UBASH3B: variants seen among roughly 807,000 people sequenced by gnomAD.
UBASH3B encodes ubiquitin-associated and SH3 domain-containing protein B.
UBASH3B carries 37 observed loss-of-function variants against 83.4 expected under a neutral mutation model. The observed-to-expected ratio is 0.44, with a 90% CI of 0.34 to 0.58. UBASH3B has a LOEUF of 0.58. Ranked by LOEUF, UBASH3B falls within the 20% of genes least tolerant of loss-of-function variation. The pLI, the probability that UBASH3B is intolerant of heterozygous loss-of-function variation, is 0.01. For missense variants in UBASH3B, 657 were observed against 827.2 expected, an observed-to-expected ratio of 0.79 and a Z score of 2.52; for synonymous variants, 304 against 318.3, an observed-to-expected ratio of 0.96 and a Z score of 0.48.
At chr11:122,665,390 A>T (rs922904441) in intron 1 of UBASH3B, among the ~76,000 whole-genome samples, 2 of 152,122 alleles carry the variant, frequency 1.3e-5, no homozygotes, top group African/African-American at 4.8e-5. Context: ...TGGGGGTCTC[A>T]CTACATTGCC....
intron 5 of UBASH3B, 91 bp downstream of exon 5, chr11:122,783,313 G>C (rs1860890773): frequency 6.9e-7 from 1 of 1,439,492 alleles, no homozygotes; most frequent in South Asian, 1.3e-5. Context: ...GGTACCTACA[G>C]GGGAAAAATG....
chr11:122,742,193 A>G (rs962768213), intron 1 of UBASH3B, among the ~76,000 whole-genome samples: 5 of 152,224 alleles, frequency 3.3e-5, no homozygotes, highest in African/African-American at 4.8e-5. Context: ...GGATTATTCA[A>G]GCCTGGAAGG....
intron 2 of UBASH3B, 122 bp downstream of exon 2, chr11:122,776,394 C>T (rs1161042237): frequency 1.1e-6 from 1 of 880,264 alleles, no homozygotes; most frequent in Non-Finnish European, 1.7e-6. Flanking sequence ...AGCCAAAAGA[C>T]TGTGGCAAGT....
chr11:122,738,704 C>A (rs1318891129), intron 1 of UBASH3B, among the ~76,000 whole-genome samples: 1 of 152,082 alleles, frequency 6.6e-6, no homozygotes, highest in Non-Finnish European at 1.5e-5. Flanking sequence ...GCCTGACCAA[C>A]ATGGAGAAAC....
chr11:122,785,528 C>T (rs1224954172), intron 5 of UBASH3B, among the ~76,000 whole-genome samples: 3 of 152,164 alleles, frequency 2.0e-5, no homozygotes, highest in East Asian at 3.9e-4. Flanking sequence ...GATTTGGACA[C>T]GCGAATCCCA....
chr11:122,799,130 G>C, intron 10 of UBASH3B, 96 bp downstream of exon 10: 1 of 1,034,374 alleles, frequency 9.7e-7, no homozygotes, highest in Non-Finnish European at 1.4e-6. Flanking sequence ...ACATTTGCCA[G>C]TTGAAAGCTT....
intron 1 of UBASH3B, among the ~76,000 whole-genome samples, chr11:122,694,158 C>T (rs1431646520): frequency 2.0e-5 from 3 of 152,098 alleles, no homozygotes; most frequent in Non-Finnish European, 1.5e-5. Flanking sequence ...GGGTGAGGGG[C>T]TCAGTTCAGA....
rs910101775 is a variant in UBASH3B at position 122,758,164 on chromosome 11, G to A, written c.162-18055G>A. Reference sequence around the variant, plus strand: ...CCAGAAGGAAGGCGAAGATGTGGCCGGGGGTGGGGCCGGTCTGGGGGGTAT... The same window carrying A: ...CCAGAAGGAAGGCGAAGATGTGGCCAGGGGTGGGGCCGGTCTGGGGGGTAT... On this transcript the variant is annotated intron_variant, in intron 1 of 13. Transcript: ENST00000284273. This position sits in a 1 kb window ranked among gnomAD's most constrained non-coding sequence, Gnocchi z 4.2. 6.6e-6 allele frequency among the ~76,000 whole-genome samples: 1 copy of A among 152,160 alleles called. No homozygotes were observed. The highest frequency in any genetic ancestry group is 2.4e-5 in the African/African-American group (1 of 41,430).
intron 1 of UBASH3B, among the ~76,000 whole-genome samples, chr11:122,749,327 G>C (rs974130509): frequency 2.0e-5 from 3 of 152,242 alleles, no homozygotes; most frequent in African/African-American, 7.2e-5. Context: ...GCTATAATTA[G>C]CACAGACTTA....
chr11:122,699,616 C>T (rs957225335), intron 1 of UBASH3B, among the ~76,000 whole-genome samples: 2 of 146,016 alleles, frequency 1.4e-5, no homozygotes, highest in African/African-American at 5.2e-5. Flanking sequence ...CAAGGTCTCC[C>T]TCTGCCACCA....
intron 1 of UBASH3B, among the ~76,000 whole-genome samples, chr11:122,753,777 G>A (rs1224080971): frequency 2.0e-5 from 3 of 152,028 alleles, no homozygotes; most frequent in African/African-American, 4.8e-5. Flanking sequence ...TTACAGGCGT[G>A]AGCCACCGTG....
rs142094008 is a variant in UBASH3B at position 122,790,520 on chromosome 11, A to G, written c.980+1212A>G. ...AGTCTCCATTTTAATCCCTACAACA[A>G]CAAGTAAAGCAAAATATGCGTGAAT... On this transcript the variant is annotated intron_variant, in intron 6 of 13. Coordinates refer to ENST00000284273, the MANE Select transcript of UBASH3B (RefSeq NM_032873.5). Among the ~76,000 whole-genome samples, 341 of 152,320 alleles carry G rather than the reference A, an allele frequency of 2.2e-3. 3 individuals carry two copies. The highest frequency in any genetic ancestry group is 0.013 in the East Asian group (68 of 5,192).
intron 1 of UBASH3B, among the ~76,000 whole-genome samples, chr11:122,725,005 T>C (rs1031734815): frequency 4.0e-5 from 6 of 150,044 alleles, no homozygotes; most frequent in African/African-American, 7.4e-5. Flanking sequence ...CAGGCTGGAG[T>C]GCAGTAGCAC....
chr11:122,774,874 A>G (rs1225512574), intron 1 of UBASH3B, among the ~76,000 whole-genome samples: 1 of 151,946 alleles, frequency 6.6e-6, no homozygotes, highest in Non-Finnish European at 1.5e-5. Context: ...CATCCACCCC[A>G]CCCAGATGTG....
At chr11:122,774,314 C>T in intron 1 of UBASH3B, 2 of 985,028 alleles carry the variant, frequency 2.0e-6, no homozygotes, top group South Asian at 9.4e-5. Context: ...GTGCAGACTT[C>T]CTTATCCTGA....
chr11:122,708,656 A>G (rs1864154944), intron 1 of UBASH3B, among the ~76,000 whole-genome samples: 2 of 152,120 alleles, frequency 1.3e-5, no homozygotes, highest in South Asian at 4.1e-4. Context: ...TTATTGCCAA[A>G]TAGACAGCAC....
chr11:122,755,409 G>A (rs1197208970), intron 1 of UBASH3B, among the ~76,000 whole-genome samples: 1 of 152,116 alleles, frequency 6.6e-6, no homozygotes, highest in South Asian at 2.1e-4. Flanking sequence ...CTTATGGAAA[G>A]CGAGGATCAG....
intron 1 of UBASH3B, among the ~76,000 whole-genome samples, chr11:122,713,177 G>A (rs1420958225): frequency 6.6e-6 from 1 of 152,082 alleles, no homozygotes; most frequent in Non-Finnish European, 1.5e-5. Context: ...AAAGTACTGG[G>A]ATTACAGGCG....
In UBASH3B at chr11:122,806,322, A is replaced by G; in HGVS notation, c.1596-88A>G. ...AAACAGATCTACGGGATCTTTAGAA[A>G]TGCCTTGAAATAAAAGTTTAGAGTG... On this transcript the variant is annotated intron_variant, in intron 11 of 13. Transcript: ENST00000284273. The surrounding 1 kb of genome is among the most constrained non-coding windows in gnomAD (Gnocchi z 4.0). 1 of 1,143,694 alleles carries G rather than the reference A, an allele frequency of 8.7e-7. No homozygotes were observed. The highest frequency in any genetic ancestry group is 2.4e-5 in the East Asian group (1 of 41,230). 70.8% of individuals were successfully genotyped at this position (1,143,694 alleles called of 1,614,324 possible).
Sources: gnomAD v4.1 joint callset for allele counts (sites outside exome capture counted in the v4.1 genomes callset) on GRCh38, gnomAD v4.1.1 for gene constraint, Gnocchi (gnomAD v3.1) non-coding constraint, MANE v1.5 for transcripts, NCBI Gene and HGNC (gene_info 2026-07-23, HGNC 2026-07-21) for gene names.